Variants in ACER3 observed in about 807,000 individuals in gnomAD.
ACER3 encodes the protein alkaline ceramidase 3.
Under a neutral mutation model 48.9 loss-of-function variants are expected in ACER3, and 16 were observed. The ratio of observed to expected loss-of-function variants is 0.33; its 90% CI spans 0.22 to 0.50. The LOEUF (loss-of-function observed/expected upper bound fraction) is 0.50, where lower values mean the gene tolerates loss of function less well. Ranked by LOEUF, ACER3 falls within the 20% of genes least tolerant of loss-of-function variation. The pLI, the probability that ACER3 is intolerant of heterozygous loss-of-function variation, is 0.98. For synonymous variants in ACER3, 109 were observed against 107.8 expected (o/e 1.01, Z -0.07); for missense variants, 227 against 326.0 (o/e 0.70, Z 2.34).
At chr11:76,933,940 C>G (rs938069192) in intron 2 of ACER3, among the ~76,000 whole-genome samples, 1 of 151,798 alleles carries the variant, frequency 6.6e-6, no homozygotes, top group South Asian at 2.1e-4. Context: ...TCGGGGCGGC[C>G]GGGCAGAGAC....
chr11:77,023,366 G>A lies in ACER3; in HGVS notation c.*3039G>A, dbSNP rs1391089783. 2.6e-6 allele frequency: 1 copy of A among 385,660 alleles called. No individual in the cohort carries two copies. The highest frequency in any genetic ancestry group is 2.1e-5 in the African/African-American group (1 of 48,400). 23.9% of individuals were successfully genotyped at this position (385,660 alleles called of 1,614,324 possible). A position where few individuals can be genotyped will look rare whatever the true frequency, so the allele number is the denominator to read the frequency against. ...AGAAAATTAAGAGACAAAACCTTCA[G>A]GTACATAATGCATGAAAATCTTTAA... is the stretch of plus-strand genomic sequence containing the variant. On this transcript the variant is annotated 3_prime_UTR_variant, in exon 11 of 11. Coordinates refer to ENST00000532485, the MANE Select transcript of ACER3 (RefSeq NM_018367.7).
chr11:76,999,149 T>C (rs551585642), intron 7 of ACER3, among the ~76,000 whole-genome samples: 287 of 152,282 alleles, frequency 1.9e-3, no homozygotes, highest in Non-Finnish European at 2.2e-3. Flanking sequence ...AAAATTGTTT[T>C]TGTCTTTCTT....
At chr11:76,992,626 T>G (rs1325037214) in intron 6 of ACER3, among the ~76,000 whole-genome samples, 1 of 151,970 alleles carries the variant, frequency 6.6e-6, no homozygotes, top group East Asian at 1.9e-4. Flanking sequence ...AATGCTAGAG[T>G]GAAGCAAATA....
rs36108857 is a variant in ACER3 at position 76,996,719 on chromosome 11, C to CTTT, written c.439-2024_439-2022dup. On this transcript the variant is annotated intron_variant, in intron 6 of 10. Coordinates refer to ENST00000532485, the MANE Select transcript of ACER3 (RefSeq NM_018367.7). ...ACAGGCATGAGCCACCCCACCCAGC[C>CTTT]TTTTTTTTTTTTTTTTTTTTTTCTG... Among the ~76,000 whole-genome samples, 458 of 138,584 alleles carry CTTT rather than the reference C, an allele frequency of 3.3e-3. 5 individuals carry two copies. Among genetic ancestry groups the CTTT allele is most frequent in the African/African-American group, 0.012 (434 of 35,934 alleles). 90.9% of individuals were successfully genotyped at this position (138,584 alleles called of 152,430 possible). A position where few individuals can be genotyped will look rare whatever the true frequency, so the allele number is the denominator to read the frequency against.
rs539442340 is a variant in ACER3 at position 76,998,977 on chromosome 11, T to C, written c.497+156T>C. Among the ~76,000 whole-genome samples, 9 of 152,288 alleles carry C rather than the reference T, an allele frequency of 5.9e-5. No individual in the cohort carries two copies. The South Asian group carries it at 1.9e-3, about 32-fold the overall frequency. ...ACATTTATTGTTATATTATAAGGAA[T>C]ACTGGGTCTTCAGACAAGTTGTTAA... On this transcript the variant is annotated intron_variant, in intron 7 of 10. Transcript: ENST00000532485.
chr11:76,918,478 A>G (rs1223058020), intron 1 of ACER3, among the ~76,000 whole-genome samples: 1 of 152,000 alleles, frequency 6.6e-6, no homozygotes, highest in Non-Finnish European at 1.5e-5. Context: ...TACCAACACA[A>G]TTCCCAGGTT....
At position 77,024,215 on chromosome 11, in the gene ACER3, A is replaced by G. The variant is rs1949515458; in HGVS notation, c.*3888A>G. ...ACCCAGCTGACTGGAAATTTTCAAT[A>G]CTGTCTTTTAACTGTTGTACTCCAG... On this transcript the variant is annotated 3_prime_UTR_variant, in exon 11 of 11. Coordinates refer to ENST00000532485, the MANE Select transcript of ACER3 (RefSeq NM_018367.7). The G allele has an allele frequency of 7.2e-6, 1 of 139,198 alleles. No homozygotes were observed. The highest frequency in any genetic ancestry group is 1.5e-5 in the Non-Finnish European group (1 of 64,922). The allele number at this position is 139,198 out of a possible 1,614,324, so 8.6% of individuals were successfully genotyped here. A position where few individuals can be genotyped will look rare whatever the true frequency, so the allele number is the denominator to read the frequency against.
At chr11:76,965,027 G>A (rs1037922158) in intron 3 of ACER3, among the ~76,000 whole-genome samples, 6 of 151,186 alleles carry the variant, frequency 4.0e-5, no homozygotes, top group Non-Finnish European at 8.8e-5. Flanking sequence ...AAAGGAGGAA[G>A]TTCGAACCAA....
chr11:77,017,967 G>A (rs1203642097), intron 9 of ACER3, among the ~76,000 whole-genome samples: 1 of 93,106 alleles, frequency 1.1e-5, no homozygotes, highest in African/African-American at 4.0e-5. Context: ...TTTTTTGGGA[G>A]ACAGAGTCTC....
At chr11:76,864,631 G>C (rs1184102424) in intron 1 of ACER3, among the ~76,000 whole-genome samples, 1 of 115,982 alleles carries the variant, frequency 8.6e-6, no homozygotes, top group Non-Finnish European at 1.7e-5. Flanking sequence ...GTAGAGTCTC[G>C]CTCTGTTGCC....
intron 6 of ACER3, among the ~76,000 whole-genome samples, chr11:76,996,021 G>A (rs891468357): frequency 1.3e-5 from 2 of 152,000 alleles, no homozygotes; most frequent in Non-Finnish European, 2.9e-5. Flanking sequence ...ATGCAGAAGT[G>A]AACTCACTAC....
intron 3 of ACER3, among the ~76,000 whole-genome samples, chr11:76,971,626 A>G (rs1948310077): frequency 1.3e-5 from 2 of 152,320 alleles, no homozygotes; most frequent in Middle Eastern, 6.8e-3. Context: ...CATACAAAAT[A>G]TGAAAAACTC....
chr11:76,933,069 GA>G (rs919325263), intron 2 of ACER3, among the ~76,000 whole-genome samples: 17 of 151,496 alleles, frequency 1.1e-4, no homozygotes, highest in Middle Eastern at 3.4e-3. Context: ...TTAGTGAAAG[GA>G]AAGAAGAACA....
chr11:76,919,933 C>T (rs1946642258), intron 1 of ACER3, among the ~76,000 whole-genome samples: 1 of 152,178 alleles, frequency 6.6e-6, no homozygotes, highest in South Asian at 2.1e-4. Flanking sequence ...CAATTTATTA[C>T]TTCTTAGCTC....
chr11:76,870,943 T>G (rs890894590), intron 1 of ACER3, among the ~76,000 whole-genome samples: 2 of 152,244 alleles, frequency 1.3e-5, no homozygotes, highest in Non-Finnish European at 2.9e-5. Context: ...TGGGGTTTAA[T>G]GTACAAAGTT....
chr11:76,983,590 C>T (rs1251059809), intron 4 of ACER3, among the ~76,000 whole-genome samples: 1 of 152,224 alleles, frequency 6.6e-6, no homozygotes, highest in Non-Finnish European at 1.5e-5. Flanking sequence ...GCTGGAATTA[C>T]AGGCGTAAGC....
At chr11:76,879,329 T>C (rs1324251256) in intron 1 of ACER3, among the ~76,000 whole-genome samples, 4 of 152,186 alleles carry the variant, frequency 2.6e-5, no homozygotes, top group Non-Finnish European at 5.9e-5. Flanking sequence ...AGTTTATTTT[T>C]TCCTAATAGG....
At chr11:77,008,959 C>T (rs1949208106) in intron 7 of ACER3, among the ~76,000 whole-genome samples, 1 of 152,116 alleles carries the variant, frequency 6.6e-6, no homozygotes, top group South Asian at 2.1e-4. Flanking sequence ...ACTTGGGAGG[C>T]TGAGATGGGA....
rs531079082 is a variant in ACER3 at position 76,967,568 on chromosome 11, C to T, written c.267+8537C>T. Among the ~76,000 whole-genome samples, 219 of 152,306 alleles carry T rather than the reference C, an allele frequency of 1.4e-3. 2 individuals are homozygous for T. The highest frequency in any genetic ancestry group is 5.0e-3 in the African/African-American group (208 of 41,562). On this transcript the variant is annotated intron_variant, in intron 3 of 10. Coordinates refer to ENST00000532485, the MANE Select transcript of ACER3 (RefSeq NM_018367.7). Reference sequence around the variant, plus strand: ...TAAAATACTGGCAAACCGAATCCAGCAGCACATCAAAAAACTTATCCACCA... The same window carrying T: ...TAAAATACTGGCAAACCGAATCCAGTAGCACATCAAAAAACTTATCCACCA...
Sources: allele counts gnomAD v4.1 joint callset (sites outside exome capture counted in the v4.1 genomes callset), GRCh38; gene constraint gnomAD v4.1.1; transcripts MANE v1.5; gene names NCBI Gene and HGNC (gene_info 2026-07-23, HGNC 2026-07-21).